Variants in AKAP19 observed in about 807,000 individuals in gnomAD.
AKAP19 encodes A-kinase anchoring protein 19, also known as small A-kinase anchoring protein.
chr2:190,040,040 G>A, the AKAP19 span, among the ~76,000 whole-genome samples: 1 of 152,216 alleles, frequency 6.6e-6, no homozygotes, highest in African/African-American at 2.4e-5. Context: ...TATATACCCA[G>A]TAATGGGATT....
chr2:190,189,453 A>G, the AKAP19 span, among the ~76,000 whole-genome samples: 1 of 152,224 alleles, frequency 6.6e-6, no homozygotes, highest in South Asian at 2.1e-4. Flanking sequence ...GATGATAAAC[A>G]TAACATAAAT....
At chr2:190,156,933 C>T in the AKAP19 span, among the ~76,000 whole-genome samples, 1 of 152,154 alleles carries the variant, frequency 6.6e-6, no homozygotes, top group African/African-American at 2.4e-5. Flanking sequence ...GGCATACACA[C>T]ATTTATGTTT....
chr2:190,062,637 C>T, the AKAP19 span: 1 of 1,589,344 alleles, frequency 6.3e-7, no homozygotes, highest in Non-Finnish European at 8.6e-7. Context: ...GTTCTTGTTT[C>T]TTCCTTTTAC....
chr2:190,138,707 C>T, the AKAP19 span, among the ~76,000 whole-genome samples: 55 of 152,194 alleles, frequency 3.6e-4, no homozygotes, highest in African/African-American at 1.3e-3. Context: ...AAGGAGCTTA[C>T]TTCATTTTCA....
chr2:190,128,476 G>A, the AKAP19 span, among the ~76,000 whole-genome samples: 2 of 152,336 alleles, frequency 1.3e-5, no homozygotes, highest in African/African-American at 4.8e-5. Context: ...TACAGGAACT[G>A]TAACGGAGAA....
the AKAP19 span, among the ~76,000 whole-genome samples, chr2:190,100,299 GCTGA>G: frequency 5.0e-4 from 76 of 152,246 alleles, 1 homozygote; most frequent in Admixed American, 5.0e-3. Context: ...CTGAAATCAT[GCTGA>G]CTATGTGGAA....
chr2:190,187,768 A>G, the AKAP19 span, among the ~76,000 whole-genome samples: 8 of 152,140 alleles, frequency 5.3e-5, no homozygotes, highest in Admixed American at 4.6e-4. Flanking sequence ...GCCAGAGAAT[A>G]GTTTGAACCC....
chr2:189,956,169 T>TTTC, the AKAP19 span, among the ~76,000 whole-genome samples: 38 of 2,010 alleles, frequency 0.019, no homozygotes, highest in African/African-American at 0.031. Context: ...GTATATTTTC[T>TTTC]TTTTTTTCTT....
chr2:190,143,575 A>G, the AKAP19 span, among the ~76,000 whole-genome samples: 138,702 of 152,206 alleles, frequency 0.91, 64,107 homozygotes, highest in East Asian at 1. Flanking sequence ...ACTTCTATCC[A>G]TATTATTGTG....
At chr2:190,153,653 A>T in the AKAP19 span, among the ~76,000 whole-genome samples, 1 of 152,000 alleles carries the variant, frequency 6.6e-6, no homozygotes, top group African/African-American at 2.4e-5. Flanking sequence ...TAAATATAAA[A>T]ATAATTTTCC....
chr2:190,051,822 T>TTTTATTTA, the AKAP19 span, among the ~76,000 whole-genome samples: 297 of 149,660 alleles, frequency 2.0e-3, 2 homozygotes, highest in African/African-American at 6.6e-3. Context: ...TTTTTTTATT[T>TTTTATTTA]TTTATTTATT....
chr2:189,904,036 A>AGTTTTAAATGAGAGT, the AKAP19 span, among the ~76,000 whole-genome samples: 1 of 151,964 alleles, frequency 6.6e-6, no homozygotes, highest in African/African-American at 2.4e-5. Flanking sequence ...TGAATTTGCA[A>AGTTTTAAATGAGAGT]GTTTTAAATG....
the AKAP19 span, among the ~76,000 whole-genome samples, chr2:190,104,245 C>A: frequency 6.6e-6 from 1 of 152,068 alleles, no homozygotes; most frequent in Non-Finnish European, 1.5e-5. Context: ...TAGAAGAAAA[C>A]CTAGGAAACA....
chr2:190,024,662 T>C, the AKAP19 span, among the ~76,000 whole-genome samples: 2 of 152,070 alleles, frequency 1.3e-5, no homozygotes, highest in Non-Finnish European at 2.9e-5. Flanking sequence ...CCTGATTGGG[T>C]ACTTGAATTC....
chr2:189,986,655 C>G, the AKAP19 span, among the ~76,000 whole-genome samples: 431 of 152,208 alleles, frequency 2.8e-3, 6 homozygotes, highest in African/African-American at 9.9e-3. Flanking sequence ...GATTCTCTAT[C>G]CCCTTACTTC....
the AKAP19 span, among the ~76,000 whole-genome samples, chr2:190,036,176 C>T: frequency 6.6e-6 from 1 of 152,184 alleles, no homozygotes; most frequent in African/African-American, 2.4e-5. Context: ...CAAAAAGATT[C>T]ACTGAGGCAA....
the AKAP19 span, among the ~76,000 whole-genome samples, chr2:190,006,660 G>T: frequency 7.3e-6 from 1 of 137,342 alleles, no homozygotes; most frequent in Admixed American, 7.4e-5. Context: ...AAAAAAGCTA[G>T]CTATAAGCAA....
At chr2:189,955,209 T>G in the AKAP19 span, among the ~76,000 whole-genome samples, 1 of 152,246 alleles carries the variant, frequency 6.6e-6, no homozygotes, top group African/African-American at 2.4e-5. Flanking sequence ...TTTAACTTCC[T>G]GAGTCATTTC....
the AKAP19 span, among the ~76,000 whole-genome samples, chr2:190,152,078 C>G: frequency 2.0e-4 from 31 of 151,356 alleles, no homozygotes; most frequent in Non-Finnish European, 3.7e-4. Context: ...AATTCCAGTG[C>G]TTTGAGGGGC....
Sources: gnomAD v4.1 joint callset for allele counts (sites outside exome capture counted in the v4.1 genomes callset) on GRCh38, gnomAD v4.1.1 for gene constraint, MANE v1.5 for transcripts, NCBI Gene and HGNC (gene_info 2026-07-23, HGNC 2026-07-21) for gene names.